Variants in CPS1 observed in about 807,000 individuals in gnomAD.
CPS1 encodes carbamoyl-phosphate synthase [ammonia], mitochondrial.
In CPS1, 109 loss-of-function variants were observed where a neutral mutation model predicts 174.6. The observed-to-expected ratio is 0.62, with a 90% confidence interval of 0.53 to 0.73. CPS1 has a LOEUF of 0.73. Ranked by LOEUF, CPS1 falls within the 30% of genes least tolerant of loss-of-function variation. The probability of loss-of-function intolerance (pLI) is 0.00; values close to 1 mark genes in which losing one functional copy is unlikely to be tolerated. For synonymous variants in CPS1, 637 were observed against 632.0 expected (o/e 1.01, Z -0.12); for missense variants, 1,689 against 1,821.9 (o/e 0.93, Z 1.33).
chr2:210,499,690 C>T (rs1001901032), intron 1 of CPS1, among the ~76,000 whole-genome samples: 1 of 152,116 alleles, frequency 6.6e-6, no homozygotes, highest in Non-Finnish European at 1.5e-5. Flanking sequence ...CAAGTTAGCT[C>T]CAGGACTTGG....
At chr2:210,622,221 A>G (rs983892740) in intron 21 of CPS1, among the ~76,000 whole-genome samples, 1 of 151,672 alleles carries the variant, frequency 6.6e-6, no homozygotes, top group Non-Finnish European at 1.5e-5. Flanking sequence ...ATGTAAGTAT[A>G]TACCTACATA....
chr2:210,517,785 G>T (rs756847509), intron 1 of CPS1, among the ~76,000 whole-genome samples: 1 of 151,868 alleles, frequency 6.6e-6, no homozygotes, highest in African/African-American at 2.4e-5. Flanking sequence ...CATAAAGTTC[G>T]CAGTTAGAAG....
intron 1 of CPS1, among the ~76,000 whole-genome samples, chr2:210,529,872 C>T (rs993855248): frequency 7.9e-5 from 12 of 151,970 alleles, no homozygotes; most frequent in South Asian, 4.1e-4. Flanking sequence ...TATTCTATTT[C>T]GGCTTGAGAT....
intron 1 of CPS1, among the ~76,000 whole-genome samples, chr2:210,494,619 A>G (rs1694946596): frequency 6.6e-6 from 1 of 152,194 alleles, no homozygotes; most frequent in African/African-American, 2.4e-5. Flanking sequence ...TATCATTTCA[A>G]TAAATGAATG....
chr2:210,578,425 T>TG (rs1697786179), intron 4 of CPS1, among the ~76,000 whole-genome samples: 1 of 152,164 alleles, frequency 6.6e-6, no homozygotes, highest in Non-Finnish European at 1.5e-5. Flanking sequence ...TAAATATTAA[T>TG]TTCCAATGAA....
chr2:210,587,270 A>G (rs1048690126), intron 6 of CPS1, among the ~76,000 whole-genome samples: 1 of 152,086 alleles, frequency 6.6e-6, no homozygotes, highest in African/African-American at 2.4e-5. Context: ...TTCACAAACG[A>G]TGAAATCATC....
chr2:210,627,716 C>A (rs541876514), intron 21 of CPS1, among the ~76,000 whole-genome samples: 8 of 152,278 alleles, frequency 5.3e-5, no homozygotes, highest in Non-Finnish European at 8.8e-5. Flanking sequence ...TGGCCCTCAC[C>A]ACCTCAAAGT....
chr2:210,657,968 C>T (rs541234296), intron 30 of CPS1, among the ~76,000 whole-genome samples: 1 of 152,302 alleles, frequency 6.6e-6, no homozygotes, highest in Admixed American at 6.5e-5. Flanking sequence ...CATTGCTGAA[C>T]CACTCTTGTG....
chr2:210,494,082 A>C (rs1694932006), intron 1 of CPS1, among the ~76,000 whole-genome samples: 1 of 152,198 alleles, frequency 6.6e-6, no homozygotes, highest in Non-Finnish European at 1.5e-5. Context: ...GGTAGGCTTT[A>C]CTTCTAGTCT....
At chr2:210,588,999 T>C (rs1019571450) in intron 7 of CPS1, among the ~76,000 whole-genome samples, 2 of 152,094 alleles carry the variant, frequency 1.3e-5, no homozygotes, top group Admixed American at 6.6e-5. Context: ...CTTTGCCTGA[T>C]GGCTGGAGCC....
intron 20 of CPS1, among the ~76,000 whole-genome samples, chr2:210,613,427 A>G (rs1180214384): frequency 6.6e-6 from 1 of 151,846 alleles, no homozygotes; most frequent in Non-Finnish European, 1.5e-5. Context: ...TTTCAAGGTA[A>G]TTAGAATTTT....
At chr2:210,561,702 G>A (rs144972504) in intron 1 of CPS1, among the ~76,000 whole-genome samples, 34 of 152,268 alleles carry the variant, frequency 2.2e-4, no homozygotes, top group Non-Finnish European at 2.8e-4. Flanking sequence ...AAAAAGCTGC[G>A]CGGGCCAAGG....
Position 210,648,532 on chromosome 2 carries a change from T to C in CPS1, c.3396T>C (p.Tyr1132=), listed in dbSNP as rs1356882838. The stretch of plus-strand genomic sequence containing the variant: ...ACCCCTGCTTGTTGAGGCCTTCCTA[T>C]GTTTTGAGGTAACACTGTATATTGT... ...VDYPCLLRPS[Y]VLSGSAMNVV... is the part of the protein sequence containing the mutation. Residue 1132 remains tyrosine (Y), a synonymous_variant, in exon 27 of 38, where the codon TAT becomes TAC. Transcript: ENST00000233072. The C allele has an allele frequency of 6.2e-7, 1 of 1,613,310 alleles. No individual in the cohort carries two copies. The highest frequency in any genetic ancestry group is 8.5e-7 in the Non-Finnish European group (1 of 1,179,434).
chr2:210,552,267 T>C (rs1696751881), upstream of CPS1, among the ~76,000 whole-genome samples: 1 of 152,036 alleles, frequency 6.6e-6, no homozygotes, highest in African/African-American at 2.4e-5. Flanking sequence ...AAATAGACTT[T>C]ATAGAATTAT....
intron 5 of CPS1, among the ~76,000 whole-genome samples, chr2:210,580,511 A>G (rs1209457899): frequency 6.6e-6 from 1 of 152,060 alleles, no homozygotes; most frequent in Admixed American, 6.6e-5. Flanking sequence ...ATGCAACTAA[A>G]GTTTTCTTAC....
intron 1 of CPS1, among the ~76,000 whole-genome samples, chr2:210,483,807 T>C (rs1179789739): frequency 6.6e-6 from 1 of 152,254 alleles, no homozygotes; most frequent in Non-Finnish European, 1.5e-5. Flanking sequence ...CCTGTTTCCA[T>C]GTATCTTGTT....
At chr2:210,508,041 A>G (rs924365904) in intron 1 of CPS1, among the ~76,000 whole-genome samples, 1 of 152,118 alleles carries the variant, frequency 6.6e-6, no homozygotes, top group African/African-American at 2.4e-5. Flanking sequence ...ATAGACATCT[A>G]CAGAACTCTC....
chr2:210,642,789 G>A (rs1369430506), intron 25 of CPS1, 124 bp downstream of exon 25: 1 of 887,638 alleles, frequency 1.1e-6, no homozygotes, highest in Non-Finnish European at 1.7e-6. Flanking sequence ...AGGGCTGCCA[G>A]TGGCATCCAT....
chr2:210,615,043 AAAAG>A (rs1182326274), intron 20 of CPS1, among the ~76,000 whole-genome samples: 1 of 151,848 alleles, frequency 6.6e-6, no homozygotes, highest in African/African-American at 2.4e-5. Flanking sequence ...ATATATATAT[AAAAG>A]AAAGAAATCA....
Sources: gnomAD v4.1 joint callset for allele counts (sites outside exome capture counted in the v4.1 genomes callset) on GRCh38, gnomAD v4.1.1 for gene constraint, MANE v1.5 for transcripts, NCBI Gene and HGNC (gene_info 2026-07-23, HGNC 2026-07-21) for gene names.